SLCO4A1: variants seen among roughly 807,000 people sequenced by gnomAD.
The protein encoded by SLCO4A1 is colon organic anion transporter.
A neutral mutation model predicts 64.6 loss-of-function variants in SLCO4A1; 51 were observed. The ratio of observed to expected loss-of-function variants is 0.79; its 90% confidence interval spans 0.63 to 1.00. SLCO4A1 has a LOEUF of 1.00. Ranked by LOEUF, SLCO4A1 falls within the 50% of genes least tolerant of loss-of-function variation. The pLI is 0.00. For synonymous variants in SLCO4A1, 471 were observed against 444.9 expected (o/e 1.06, Z -0.74); for missense variants, 919 against 980.5 (o/e 0.94, Z 0.84).
intron 11 of SLCO4A1, among the ~76,000 whole-genome samples, chr20:62,670,435 T>G (rs1431345889): frequency 1.3e-5 from 2 of 152,204 alleles, no homozygotes; most frequent in Non-Finnish European, 2.9e-5. Context: ...GCCACTCTTA[T>G]TTACCTAATC....
In SLCO4A1 at chr20:62,685,055, TC is replaced by T. The variant is rs1038502896; in HGVS notation, n.212-385del. On this transcript the variant is annotated intron_variant and non_coding_transcript_variant, in intron 2 of 2. Coordinates refer to the SLCO4A1 transcript ENST00000466818. The surrounding 1 kb of genome is among the most constrained non-coding windows in gnomAD (Gnocchi z 4.6). ...GGGGCGGATTAGCAGGGGCCAAGGG[TC>T]TGGGGTGAGGCCACAGTGCATGGAG... Among the ~76,000 whole-genome samples the T allele has an allele frequency of 3.9e-5, 6 of 151,900 alleles. No homozygotes were observed. The highest frequency in any genetic ancestry group is 1.5e-4 in the African/African-American group (6 of 41,304).
Position 62,666,530 on chromosome 20 carries a change from G to A in SLCO4A1, c.1427G>A (p.Cys476Tyr), listed in dbSNP as rs1249572862. The change falls in exon 7 of 12, where the codon TGC (cysteine) becomes TAC (tyrosine). Residue 476 changes from cysteine to tyrosine, a missense_variant. Transcript: ENST00000217159. ...GGCATCCTCGTCTTCTCACTGCACT[G>A]CCCCAGTGTGCCCATGGCGGGCGTC... is the stretch of plus-strand genomic sequence containing the variant. ...LLGILVFSLH[C>Y]PSVPMAGVTA... 1 of 1,613,284 alleles carries A rather than the reference G, an allele frequency of 6.2e-7. No homozygotes were observed.
At chr20:62,655,321 AGG>A (rs1983465205) in intron 1 of SLCO4A1, among the ~76,000 whole-genome samples, 2 of 139,128 alleles carry the variant, frequency 1.4e-5, no homozygotes, top group Admixed American at 1.5e-4. Flanking sequence ...GGGGCGGCAC[AGG>A]TGTTCTGTAT....
At chr20:62,668,273 C>A in intron 9 of SLCO4A1, 89 bp downstream of exon 9, 1 of 1,466,100 alleles carries the variant, frequency 6.8e-7, no homozygotes, top group Non-Finnish European at 9.5e-7. Flanking sequence ...AGGAGCACTC[C>A]AGGAAACACC....
intron 6 of SLCO4A1, chr20:62,665,294 GT>G (rs1198646213): frequency 1.8e-6 from 1 of 567,264 alleles, no homozygotes; most frequent in African/African-American, 1.9e-5. Flanking sequence ...TGCCCTCTTT[GT>G]GGGACATGCT....
At position 62,668,111 on chromosome 20, in the gene SLCO4A1, C is replaced by A. The variant is rs1322110452; in HGVS notation, c.1738C>A (p.Leu580Ile). The change falls in exon 9 of 12, where the codon CTT becomes ATT. Residue 580 changes from leucine to isoleucine, a missense_variant. Coordinates refer to ENST00000217159, the MANE Select transcript of SLCO4A1 (RefSeq NM_016354.4). Reference sequence around the variant, plus strand: ...TTCAACTTGTCAGAGAAAGCCCCTCCTTCTGGTTTTCATATTCGTTGTAAT... The same window carrying A: ...TTCAACTTGTCAGAGAAAGCCCCTCATTCTGGTTTTCATATTCGTTGTAAT... Reference protein sequence around the residue: ...CTSTCQRKPLLLVFIFVVIFF... With the variant: ...CTSTCQRKPLILVFIFVVIFF... The A allele has an allele frequency of 1.2e-5, 19 of 1,614,006 alleles. No homozygotes were observed. The highest frequency in any genetic ancestry group is 1.5e-5 in the Non-Finnish European group (18 of 1,180,024).
chr20:62,669,518 G>A (rs1242464581), intron 11 of SLCO4A1, among the ~76,000 whole-genome samples: 2 of 152,266 alleles, frequency 1.3e-5, no homozygotes, highest in Admixed American at 6.5e-5. Flanking sequence ...TCCGTGATCA[G>A]TGCGCCTTGG....
chr20:62,681,105 T>G (rs747039475), intron 2 of SLCO4A1, among the ~76,000 whole-genome samples: 1 of 152,220 alleles, frequency 6.6e-6, no homozygotes, highest in Non-Finnish European at 1.5e-5. Context: ...TTGCCCAGGC[T>G]GGTCTGTAAC....
chr20:62,665,206 C>T (rs1041467319), intron 6 of SLCO4A1, 118 bp downstream of exon 6: 14 of 1,162,982 alleles, frequency 1.2e-5, no homozygotes, highest in African/African-American at 1.5e-5. Context: ...TGCCCTCCCA[C>T]CCCCGCTGCC....
chr20:62,645,691 C>T lies in SLCO4A1; in HGVS notation c.-97+3138C>T, dbSNP rs1375708671. On this transcript the variant is annotated intron_variant, in intron 1 of 11. Transcript: ENST00000217159. The surrounding 1 kb of genome is among the most constrained non-coding windows in gnomAD (Gnocchi z 4.2). ...CACGTGCCTTCTGCAGAAGCCGCTC[C>T]CCACGTAGCCCAAGCGTAGGGTGAG... is the stretch of plus-strand genomic sequence containing the variant. Among the ~76,000 whole-genome samples, 2 of 151,994 alleles carry T rather than the reference C, an allele frequency of 1.3e-5. No homozygotes were observed. The highest frequency in any genetic ancestry group is 4.8e-5 in the African/African-American group (2 of 41,394).
At chr20:62,657,274 T>G (rs6011446) in intron 2 of SLCO4A1, 24 bp downstream of exon 2, 1 of 1,498,654 alleles carries the variant, frequency 6.7e-7, no homozygotes, top group Admixed American at 2.0e-5. Flanking sequence ...GCGGGGTAAG[T>G]GCTGGCAGGG....
At chr20:62,655,742 G>A (rs968212274) in intron 1 of SLCO4A1, among the ~76,000 whole-genome samples, 1 of 152,342 alleles carries the variant, frequency 6.6e-6, no homozygotes, top group South Asian at 2.1e-4. Flanking sequence ...GGTGCTGGGG[G>A]CTCACGTGGC....
rs370641386 is a variant in SLCO4A1 at position 62,664,907 on chromosome 20, C to T, written c.1122-27C>T. The T allele has an allele frequency of 2.0e-5, 31 of 1,566,630 alleles. No individual in the cohort carries two copies. The African/African-American group carries it at 3.4e-4, about 17-fold the overall frequency. On this transcript the variant is annotated intron_variant, in intron 5 of 11. Transcript: ENST00000217159. ...TGCCCACCACTCTGACCCTCAGTCT[C>T]TTCTCCACACCCCCACCTCTGCCCA...
In SLCO4A1 at chr20:62,656,879, G is replaced by A; in HGVS notation, c.425G>A (p.Ser142Asn). The change falls in exon 2 of 12, where the codon AGC becomes AAC. Residue 142 changes from serine to asparagine, a missense_variant. Transcript: ENST00000217159. Reference protein sequence around the residue: ...ERRYDLHSYQSGLIASSYDIA... With the variant: ...ERRYDLHSYQNGLIASSYDIA... The stretch of plus-strand genomic sequence containing the variant: ...CGCTATGACCTGCACAGCTACCAGA[G>A]CGGGCTCATCGCCAGCTCCTACGAC... The A allele has an allele frequency of 6.3e-7, 1 of 1,585,324 alleles. No homozygotes were observed. Among genetic ancestry groups the A allele is most frequent in the Non-Finnish European group, 8.6e-7 (1 of 1,160,074 alleles).
intron 1 of SLCO4A1, chr20:62,643,358 A>C (rs981156656): frequency 5.4e-6 from 1 of 185,990 alleles, no homozygotes; most frequent in African/African-American, 2.4e-5. Flanking sequence ...ACCTGGAAGC[A>C]GATCTGACTT....
intron 2 of SLCO4A1, among the ~76,000 whole-genome samples, chr20:62,680,569 G>T (rs1192285883): frequency 6.8e-6 from 1 of 146,312 alleles, no homozygotes; most frequent in Non-Finnish European, 1.5e-5. Flanking sequence ...TTTGCTGATG[G>T]TTTTTTTTTT....
intron 11 of SLCO4A1, among the ~76,000 whole-genome samples, chr20:62,669,782 C>T (rs890534557): frequency 5.9e-5 from 9 of 152,124 alleles, no homozygotes; most frequent in Non-Finnish European, 1.0e-4. Flanking sequence ...CTCAGGCTTT[C>T]CAGGAGGGAG....
intron 5 of SLCO4A1, among the ~76,000 whole-genome samples, chr20:62,662,737 CAGCCCCA>C (rs1985232103): frequency 6.7e-6 from 1 of 148,374 alleles, no homozygotes; most frequent in African/African-American, 2.5e-5. Flanking sequence ...GTGCCCACCC[CAGCCCCA>C]TCCCCCCATA....
Position 62,668,524 on chromosome 20 carries a change from T to C in SLCO4A1, c.1859T>C (p.Ile620Thr). Residue 620 changes from isoleucine to threonine, a missense_variant, in exon 10 of 12, where the codon ATT (isoleucine) becomes ACT (threonine). By Grantham distance (89) the Ile-to-Thr change is moderately conservative. Transcript: ENST00000217159. ...QRSFALGIQW[I>T]VVRILGGIPG... Reference sequence around the variant, plus strand: ...TCCTTTGCCCTGGGAATCCAGTGGATTGTAGTTAGAATACTAGGTACTGTG... The same window carrying C: ...TCCTTTGCCCTGGGAATCCAGTGGACTGTAGTTAGAATACTAGGTACTGTG... The C allele has an allele frequency of 6.2e-7, 1 of 1,613,746 alleles. No homozygotes were observed. The highest frequency in any genetic ancestry group is 8.5e-7 in the Non-Finnish European group (1 of 1,179,790).
Sources: allele counts gnomAD v4.1 joint callset (sites outside exome capture counted in the v4.1 genomes callset), GRCh38; gene constraint gnomAD v4.1.1; non-coding constraint Gnocchi (gnomAD v3.1); transcripts MANE v1.5; gene names NCBI Gene and HGNC (gene_info 2026-07-23, HGNC 2026-07-21).